BTC: variants seen among roughly 807,000 people sequenced by gnomAD.
BTC encodes probetacellulin.
BTC carries 13 observed loss-of-function variants against 18.1 expected under a neutral mutation model. The observed-to-expected ratio is 0.72, with a 90% CI of 0.47 to 1.14. The LOEUF (loss-of-function observed/expected upper bound fraction) is 1.14. Ranked by LOEUF, BTC falls within the 50% of genes most tolerant of loss-of-function variation. The pLI is 0.00. For missense variants in BTC, 247 were observed against 224.2 expected, an observed-to-expected ratio of 1.10 and a Z score of -0.65; for synonymous variants, 83 against 79.4, an observed-to-expected ratio of 1.05 and a Z score of -0.24.
chr4:74,787,776 C>G (rs988591316), intron 1 of BTC, among the ~76,000 whole-genome samples: 2 of 152,158 alleles, frequency 1.3e-5, no homozygotes, highest in Admixed American at 1.3e-4. Flanking sequence ...AGTGTTAGTT[C>G]CCACATACGT....
intron 1 of BTC, among the ~76,000 whole-genome samples, chr4:74,773,858 C>G (rs992957956): frequency 6.6e-6 from 1 of 152,002 alleles, no homozygotes; most frequent in African/African-American, 2.4e-5. Context: ...GTGATACACC[C>G]ATCTCAGCCT....
At chr4:74,782,448 T>C (rs28522727) in intron 1 of BTC, among the ~76,000 whole-genome samples, 40,820 of 152,156 alleles carry the variant, frequency 0.27, 8,067 homozygotes, top group African/African-American at 0.56. Context: ...CTTTTTATGG[T>C]TGCATAGTAT....
At chr4:74,776,381 A>C (rs1725176043) in intron 1 of BTC, among the ~76,000 whole-genome samples, 1 of 152,154 alleles carries the variant, frequency 6.6e-6, no homozygotes. Flanking sequence ...TGTTAACTGC[A>C]TTTGCTAAGT....
At position 74,770,091 on chromosome 4, in the gene BTC, G is replaced by A. The variant is rs56320257; in HGVS notation, c.130C>T (p.Leu44Phe). Residue 44 changes from leucine (L) to phenylalanine (F), a missense_variant, in exon 2 of 6, where the codon CTC (leucine) becomes TTC (phenylalanine). Physicochemically the swap from Leu to Phe is conservative, Grantham distance 22 (BLOSUM62 0). Coordinates refer to ENST00000395743, the MANE Select transcript of BTC (RefSeq NM_001729.4). ...NSTRSPETNG[L>F]LCGDPEENCA... ...TTTTCCTCAGGGTCTCCACAGAGGA[G>A]GCCATTAGTTTCAGGACTTCTGGTG... 5.3e-3 allele frequency: 8,554 copies of A among 1,613,172 alleles called. 406 individuals are homozygous for A. In the African/African-American group the frequency reaches 0.1, roughly 19 times the overall value.
intron 2 of BTC, among the ~76,000 whole-genome samples, chr4:74,765,576 A>C (rs1724879852): frequency 6.6e-6 from 1 of 152,160 alleles, no homozygotes; most frequent in Non-Finnish European, 1.5e-5. Context: ...TATTCAAAGA[A>C]ATAATGCCCC....
rs1553956519 is a variant in BTC at position 74,754,783 on chromosome 4, C to T, written c.281+1076G>A. On this transcript the variant is annotated intron_variant, in intron 3 of 5. Coordinates refer to ENST00000395743, the MANE Select transcript of BTC (RefSeq NM_001729.4). The stretch of plus-strand genomic sequence containing the variant: ...ACACTGTGGTTTTCATTTTAGAGGG[C>T]AGCAATATCTAAGAACAATAAATCT... Among the ~76,000 whole-genome samples, 2 of 151,970 alleles carry T rather than the reference C, an allele frequency of 1.3e-5. 1 individual carries two copies. Among genetic ancestry groups the T allele is most frequent in the Admixed American group, 1.3e-4 (2 of 15,254 alleles).
Position 74,748,238 on chromosome 4 carries a change from CT to C in BTC, c.429-90del, listed in dbSNP as rs1233778625. 3.0e-4 allele frequency: 247 copies of C among 831,752 alleles called. 2 individuals carry two copies. Among genetic ancestry groups the C allele is most frequent in the Non-Finnish European group, 4.1e-4 (221 of 538,684 alleles). The allele number at this position is 831,752 out of a possible 1,614,324, so 51.5% of individuals were successfully genotyped here. ...ATCAAGAGATCCTATGATCAGGTTT[CT>C]TTTTTTAAAAAAATATTTAGGGTTC... On this transcript the variant is annotated intron_variant, in intron 4 of 5. Transcript: ENST00000395743.
chr4:74,761,441 A>G (rs1724755402), intron 2 of BTC, among the ~76,000 whole-genome samples: 1 of 152,146 alleles, frequency 6.6e-6, no homozygotes, highest in Admixed American at 6.6e-5. Flanking sequence ...TATGATAACA[A>G]TTTCTAAATT....
chr4:74,786,966 A>ATTT (rs1725493934), intron 1 of BTC, among the ~76,000 whole-genome samples: 1 of 136,376 alleles, frequency 7.3e-6, no homozygotes, highest in African/African-American at 3.3e-5. Flanking sequence ...CAAGAAATAC[A>ATTT]ATTTTTTTTT....
intron 1 of BTC, among the ~76,000 whole-genome samples, chr4:74,777,508 A>G (rs1030292219): frequency 6.6e-6 from 1 of 152,214 alleles, no homozygotes; most frequent in African/African-American, 2.4e-5. Flanking sequence ...TAAACTATGA[A>G]AGATGAATAC....
At chr4:74,750,835 C>A (rs959929762) in intron 3 of BTC, 116 bp from the exon 4 acceptor site, 30 of 1,386,314 alleles carry the variant, frequency 2.2e-5, no homozygotes, top group Non-Finnish European at 3.0e-5. Flanking sequence ...GAACACAGTT[C>A]CCTTTTTAAA....
chr4:74,790,679 A>G (rs1725600501), intron 1 of BTC, among the ~76,000 whole-genome samples: 1 of 152,374 alleles, frequency 6.6e-6, no homozygotes, highest in Middle Eastern at 3.4e-3. Flanking sequence ...ATTCAAGGAT[A>G]GAGTCAGACT....
At position 74,780,032 on chromosome 4, in the gene BTC, G is replaced by A. The variant is rs371963565; in HGVS notation, c.65-9876C>T. ...ACTGAGGACCAAAGGAAATGACATA[G>A]AAATGAGTTTGGTGTCTTTGGGAGA... On this transcript the variant is annotated intron_variant, in intron 1 of 5. Transcript: ENST00000395743. Among the ~76,000 whole-genome samples the A allele has an allele frequency of 2.6e-5, 4 of 152,244 alleles. No homozygotes were observed. The East Asian group carries it at 5.8e-4, about 22-fold the overall frequency.
chr4:74,778,166 T>C (rs2109909395), intron 1 of BTC, among the ~76,000 whole-genome samples: 1 of 152,340 alleles, frequency 6.6e-6, no homozygotes, highest in South Asian at 2.1e-4. Context: ...CTTTTCTTCT[T>C]CTTGTCTTTT....
chr4:74,780,190 A>T (rs1414244758), intron 1 of BTC, among the ~76,000 whole-genome samples: 2 of 152,156 alleles, frequency 1.3e-5, no homozygotes, highest in African/African-American at 4.8e-5. Flanking sequence ...TGAAAAGAAG[A>T]CTCATTAAGA....
intron 1 of BTC, among the ~76,000 whole-genome samples, chr4:74,786,780 T>A (rs1311361833): frequency 6.6e-6 from 1 of 151,864 alleles, no homozygotes; most frequent in Non-Finnish European, 1.5e-5. Context: ...GAACCAAACA[T>A]GTAGCAGTCT....
chr4:74,785,220 T>C (rs1725448152), intron 1 of BTC, among the ~76,000 whole-genome samples: 1 of 152,194 alleles, frequency 6.6e-6, no homozygotes, highest in Non-Finnish European at 1.5e-5. Context: ...AATAGAGGTG[T>C]TTATAGTATT....
chr4:74,756,103 T>C, intron 2 of BTC, 127 bp from the exon 3 acceptor site: 2 of 888,876 alleles, frequency 2.3e-6, no homozygotes, highest in Non-Finnish European at 3.7e-6. Context: ...TTTCTTTCTC[T>C]CTGCACTGGG....
At chr4:74,747,976 A>C in intron 5 of BTC, 64 bp downstream of exon 5, 1 of 776,624 alleles carries the variant, frequency 1.3e-6, no homozygotes, top group Non-Finnish European at 2.0e-6. Flanking sequence ...GATGCAAGTA[A>C]GCCCAATCTA....
Sources: allele counts gnomAD v4.1 joint callset (sites outside exome capture counted in the v4.1 genomes callset), GRCh38; gene constraint gnomAD v4.1.1; transcripts MANE v1.5; gene names NCBI Gene and HGNC (gene_info 2026-07-23, HGNC 2026-07-21).